CDK19: variants seen among roughly 807,000 people sequenced by gnomAD.
CDK19 encodes the protein cyclin-dependent kinase 19.
CDK19 carries 20 observed loss-of-function variants against 68.3 expected under a neutral mutation model. That is an observed-to-expected ratio of 0.29 (90% CI 0.21 to 0.43). The LOEUF (loss-of-function observed/expected upper bound fraction) is 0.43, where lower values mean the gene tolerates loss of function less well. CDK19 is among the 20% of genes least tolerant of loss of function. The probability of loss-of-function intolerance (pLI) is 1.00; values close to 1 mark genes in which losing one functional copy is unlikely to be tolerated. For synonymous variants in CDK19, 221 were observed against 222.8 expected (o/e 0.99, Z 0.07); for missense variants, 339 against 623.5 (o/e 0.54, Z 4.86).
intron 2 of CDK19, among the ~76,000 whole-genome samples, chr6:110,743,729 C>T (rs1007578906): frequency 1.3e-5 from 2 of 152,056 alleles, no homozygotes; most frequent in African/African-American, 2.4e-5. Flanking sequence ...GACACACATG[C>T]CCATGGATTC....
intron 5 of CDK19, among the ~76,000 whole-genome samples, chr6:110,634,300 T>A (rs1244350183): frequency 6.6e-6 from 1 of 152,168 alleles, no homozygotes; most frequent in East Asian, 1.9e-4. Flanking sequence ...CCCTGCAACC[T>A]CTACCTCCTA....
At position 110,686,663 on chromosome 6, in the gene CDK19, G is replaced by T. The variant is rs369476176; in HGVS notation, c.205-16122C>A. On this transcript the variant is annotated intron_variant, in intron 2 of 12. Transcript: ENST00000368911. ...TTAAATGAAATTTATTCCATATTGA[G>T]AAAATATTATTTTCAAAACTGCCAT... Among the ~76,000 whole-genome samples, 21 of 152,182 alleles carry T rather than the reference G, an allele frequency of 1.4e-4. No homozygotes were observed. The East Asian group carries it at 3.7e-3, about 27-fold the overall frequency.
At chr6:110,805,077 T>C (rs1782589375) in intron 1 of CDK19, among the ~76,000 whole-genome samples, 2 of 152,204 alleles carry the variant, frequency 1.3e-5, no homozygotes, top group African/African-American at 4.8e-5. Context: ...CACACTTGTA[T>C]CCTGAATTAC....
chr6:110,762,674 T>G (rs1779307138), intron 1 of CDK19, among the ~76,000 whole-genome samples: 1 of 152,222 alleles, frequency 6.6e-6, no homozygotes, highest in Non-Finnish European at 1.5e-5. Context: ...GGTTCATTAA[T>G]ATCAGTTCCT....
intron 2 of CDK19, among the ~76,000 whole-genome samples, chr6:110,719,972 G>GCTCCCCCCCCCCCCCCCCC (rs1554211507): frequency 1.3e-3 from 57 of 45,516 alleles, no homozygotes; most frequent in South Asian, 1.7e-3. Context: ...CTTGTGATCC[G>GCTCCCCCCCCCCCCCCCCC]CCCCCCCCCC....
chr6:110,688,354 A>AT (rs1772674112), intron 2 of CDK19, among the ~76,000 whole-genome samples: 1 of 148,968 alleles, frequency 6.7e-6, no homozygotes. Flanking sequence ...TATATATATA[A>AT]AATGCAGGGA....
chr6:110,805,815 A>G (rs905022631), intron 1 of CDK19, among the ~76,000 whole-genome samples: 7 of 152,166 alleles, frequency 4.6e-5, no homozygotes, highest in Admixed American at 3.9e-4. Context: ...ATTGCATTAA[A>G]AACCTTTCCA....
At chr6:110,746,250 T>C (rs747219190) in intron 1 of CDK19, 49 bp from the exon 2 acceptor site, 2 of 1,134,496 alleles carry the variant, frequency 1.8e-6, no homozygotes, top group East Asian at 4.9e-5. Context: ...ACTTTCAGAT[T>C]CAAAATTATA....
rs142585642 is a variant in CDK19 at position 110,765,348 on chromosome 6, C to T, written c.129-19147G>A. ...TAGCTATGATCACACCACTGCACTC[C>T]AGCCTGGGTGACAGAGTGAGAATCC... On this transcript the variant is annotated intron_variant, in intron 1 of 12. Coordinates refer to ENST00000368911, the MANE Select transcript of CDK19 (RefSeq NM_015076.5). Among the ~76,000 whole-genome samples the T allele has an allele frequency of 2.1e-3, 317 of 152,212 alleles. 2 individuals carry two copies. The highest frequency in any genetic ancestry group is 7.4e-3 in the African/African-American group (306 of 41,536).
At chr6:110,671,637 T>G (rs183046147) in intron 2 of CDK19, among the ~76,000 whole-genome samples, 11 of 152,328 alleles carry the variant, frequency 7.2e-5, no homozygotes, top group African/African-American at 2.6e-4. Context: ...CTTAAATAGA[T>G]CTGCCTGATT....
At chr6:110,619,023 A>G (rs977078020) in intron 12 of CDK19, among the ~76,000 whole-genome samples, 1 of 152,180 alleles carries the variant, frequency 6.6e-6, no homozygotes, top group South Asian at 2.1e-4. Context: ...GAGTGAAAGG[A>G]AAGTTTTTCC....
At chr6:110,670,218 G>A (rs915836199) in intron 3 of CDK19, among the ~76,000 whole-genome samples, 6 of 143,496 alleles carry the variant, frequency 4.2e-5, no homozygotes, top group African/African-American at 1.5e-4. Context: ...TCTTTCTGAA[G>A]TAAAATTTCT....
intron 4 of CDK19, among the ~76,000 whole-genome samples, chr6:110,653,051 G>C (rs1781074372): frequency 6.6e-6 from 1 of 152,104 alleles, no homozygotes; most frequent in Non-Finnish European, 1.5e-5. Context: ...TCTTTACTGG[G>C]ATTGCCTGTT....
chr6:110,785,352 T>A (rs1303870892), intron 1 of CDK19, among the ~76,000 whole-genome samples: 1 of 152,166 alleles, frequency 6.6e-6, no homozygotes, highest in East Asian at 1.9e-4. Context: ...CCCACAAACT[T>A]AACTACTCAT....
chr6:110,645,436 C>T (rs944355734), intron 4 of CDK19, among the ~76,000 whole-genome samples: 4 of 152,002 alleles, frequency 2.6e-5, no homozygotes, highest in African/African-American at 9.7e-5. Context: ...AATGTATAGC[C>T]TTAAATATGT....
intron 4 of CDK19, among the ~76,000 whole-genome samples, chr6:110,639,383 T>C (rs1331173111): frequency 6.6e-6 from 1 of 152,204 alleles, no homozygotes; most frequent in East Asian, 1.9e-4. Context: ...GTGAGTCTCC[T>C]TTGTAAAGTC....
chr6:110,686,097 T>C (rs1312434935), intron 2 of CDK19, among the ~76,000 whole-genome samples: 2 of 152,104 alleles, frequency 1.3e-5, no homozygotes, highest in African/African-American at 4.8e-5. Flanking sequence ...AGTCTAAAAA[T>C]CTACCATTAG....
At chr6:110,811,017 T>C (rs1338964151) in intron 1 of CDK19, among the ~76,000 whole-genome samples, 1 of 152,158 alleles carries the variant, frequency 6.6e-6, no homozygotes, top group South Asian at 2.1e-4. Flanking sequence ...CAAGAACTCT[T>C]GAGTTAGATG....
intron 1 of CDK19, among the ~76,000 whole-genome samples, chr6:110,756,260 C>T (rs1230845960): frequency 3.3e-5 from 5 of 151,842 alleles, no homozygotes; most frequent in Admixed American, 2.0e-4. Context: ...CATGGTGGTG[C>T]GTGTCTGTAG....
Sources: allele counts gnomAD v4.1 joint callset (sites outside exome capture counted in the v4.1 genomes callset), GRCh38; gene constraint gnomAD v4.1.1; transcripts MANE v1.5; gene names NCBI Gene and HGNC (gene_info 2026-07-23, HGNC 2026-07-21).